AGBL4: variants seen among roughly 807,000 people sequenced by gnomAD.
The protein encoded by AGBL4 is cytosolic carboxypeptidase 6.
Under a neutral mutation model 66.4 loss-of-function variants are expected in AGBL4, and 58 were observed. The ratio of observed to expected loss-of-function variants is 0.87; its 90% confidence interval spans 0.71 to 1.09. AGBL4 has a LOEUF of 1.09. AGBL4 is among the 50% of genes least tolerant of loss of function. The pLI is 0.00. For synonymous variants in AGBL4, 234 were observed against 222.9 expected (o/e 1.05, Z -0.44); for missense variants, 579 against 631.0 (o/e 0.92, Z 0.88).
At chr1:48,700,958 A>C (rs1410896462) in intron 6 of AGBL4, among the ~76,000 whole-genome samples, 1 of 152,158 alleles carries the variant, frequency 6.6e-6, no homozygotes, top group Non-Finnish European at 1.5e-5. Context: ...ACACAGTGCC[A>C]GTGAAAGGGC....
At chr1:49,874,873 G>A (rs1646939362) in intron 1 of AGBL4, among the ~76,000 whole-genome samples, 1 of 151,694 alleles carries the variant, frequency 6.6e-6, no homozygotes, top group African/African-American at 2.4e-5. Flanking sequence ...TGTGCACAAT[G>A]TGCAGGTTAG....
chr1:49,325,064 C>A (rs894849791), intron 3 of AGBL4, among the ~76,000 whole-genome samples: 1 of 152,156 alleles, frequency 6.6e-6, no homozygotes, highest in African/African-American at 2.4e-5. Context: ...GCTCTGTCAC[C>A]CAGGCTGGAG....
At chr1:49,498,629 T>C (rs1455504589) in intron 3 of AGBL4, among the ~76,000 whole-genome samples, 1 of 151,806 alleles carries the variant, frequency 6.6e-6, no homozygotes, top group Admixed American at 6.6e-5. Context: ...CTGACTCCTA[T>C]GTGTAATGTT....
At position 49,457,152 on chromosome 1, in the gene AGBL4, G is replaced by C. The variant is rs534349655; in HGVS notation, c.283-211288C>G. 2.2e-3 allele frequency among the ~76,000 whole-genome samples: 339 copies of C among 151,768 alleles called. 5 individuals carry two copies. The highest frequency in any genetic ancestry group is 7.9e-3 in the African/African-American group (326 of 41,474). ...TTAGTTCTTTAAGGTCTTTAACAGT[G>C]TTTTCCATAGTGGTTGTACTAGTTT... On this transcript the variant is annotated intron_variant, in intron 3 of 13. Transcript: ENST00000371839.
chr1:49,754,810 GT>G (rs1651768686), intron 2 of AGBL4, among the ~76,000 whole-genome samples: 1 of 152,178 alleles, frequency 6.6e-6, no homozygotes, highest in Non-Finnish European at 1.5e-5. Context: ...TAAGAAATCG[GT>G]TAAAACAATC....
intron 5 of AGBL4, among the ~76,000 whole-genome samples, chr1:48,893,236 C>T (rs1388262712): frequency 1.3e-5 from 2 of 152,132 alleles, no homozygotes; most frequent in African/African-American, 4.8e-5. Flanking sequence ...AAAATGTACC[C>T]AGTCCCTGTT....
intron 1 of AGBL4, among the ~76,000 whole-genome samples, chr1:49,886,164 C>T (rs1171969620): frequency 6.6e-6 from 1 of 152,114 alleles, no homozygotes; most frequent in Non-Finnish European, 1.5e-5. Context: ...CCTTAATGTC[C>T]ACTTCCCAAC....
intron 3 of AGBL4, among the ~76,000 whole-genome samples, chr1:49,401,612 A>G (rs1645087704): frequency 6.6e-6 from 1 of 152,092 alleles, no homozygotes; most frequent in South Asian, 2.1e-4. Flanking sequence ...TTTTTGCATC[A>G]ATCTTCATCA....
chr1:48,564,433 T>G (rs761698918), intron 11 of AGBL4, among the ~76,000 whole-genome samples: 4 of 151,362 alleles, frequency 2.6e-5, no homozygotes, highest in African/African-American at 9.7e-5. Flanking sequence ...CCACACTAGA[T>G]GACATGGGGG....
At chr1:49,432,611 A>G (rs1287765285) in intron 3 of AGBL4, among the ~76,000 whole-genome samples, 1 of 152,132 alleles carries the variant, frequency 6.6e-6, no homozygotes, top group African/African-American at 2.4e-5. Context: ...CATACTATAC[A>G]TCTATTTTAC....
At chr1:48,990,966 G>T (rs2148977869) in intron 5 of AGBL4, among the ~76,000 whole-genome samples, 1 of 152,100 alleles carries the variant, frequency 6.6e-6, no homozygotes, top group South Asian at 2.1e-4. Flanking sequence ...ATTGGTTCAT[G>T]ATTTAGTCTT....
At chr1:49,394,780 A>G (rs1570609180) in intron 3 of AGBL4, among the ~76,000 whole-genome samples, 2 of 152,314 alleles carry the variant, frequency 1.3e-5, no homozygotes, top group Admixed American at 1.3e-4. Context: ...CCGCCTCAGC[A>G]GGGAGGATGG....
intron 1 of AGBL4, among the ~76,000 whole-genome samples, chr1:50,003,304 C>T (rs985602926): frequency 1.3e-5 from 2 of 152,136 alleles, no homozygotes; most frequent in Non-Finnish European, 2.9e-5. Context: ...CAGATAGTTT[C>T]GGAATTAAGA....
chr1:49,790,702 A>G (rs1434106461), intron 2 of AGBL4, among the ~76,000 whole-genome samples: 1 of 152,220 alleles, frequency 6.6e-6, no homozygotes, highest in East Asian at 1.9e-4. Context: ...ACAATTTTAT[A>G]TAAGCAAAAA....
intron 3 of AGBL4, among the ~76,000 whole-genome samples, chr1:49,517,127 A>T (rs891115849): frequency 6.6e-6 from 1 of 151,838 alleles, no homozygotes; most frequent in African/African-American, 2.4e-5. Context: ...CATCACCTCA[A>T]GTGTGTATCA....
At chr1:49,815,074 A>T (rs1004279589) in intron 2 of AGBL4, among the ~76,000 whole-genome samples, 5 of 152,132 alleles carry the variant, frequency 3.3e-5, no homozygotes, top group African/African-American at 1.2e-4. Flanking sequence ...GTTATTATTG[A>T]CTATACTCAC....
chr1:49,788,709 C>G (rs1420793170), intron 2 of AGBL4, among the ~76,000 whole-genome samples: 1 of 152,114 alleles, frequency 6.6e-6, no homozygotes, highest in Non-Finnish European at 1.5e-5. Flanking sequence ...AATATCTGCT[C>G]TGAATAACAC....
At chr1:49,962,446 C>T (rs578005068) in intron 1 of AGBL4, among the ~76,000 whole-genome samples, 2 of 152,206 alleles carry the variant, frequency 1.3e-5, no homozygotes, top group Admixed American at 6.5e-5. Context: ...ATTCTAATGG[C>T]ATCATTTCAT....
At chr1:49,904,450 C>G (rs1473707137) in intron 1 of AGBL4, among the ~76,000 whole-genome samples, 2 of 152,118 alleles carry the variant, frequency 1.3e-5, no homozygotes, top group Non-Finnish European at 2.9e-5. Flanking sequence ...AATTCAACCT[C>G]AGTACAAAAA....
Sources: gnomAD v4.1 joint callset for allele counts (sites outside exome capture counted in the v4.1 genomes callset) on GRCh38, gnomAD v4.1.1 for gene constraint, MANE v1.5 for transcripts, NCBI Gene and HGNC (gene_info 2026-07-23, HGNC 2026-07-21) for gene names.